Variants in ZSWIM1 observed in about 807,000 individuals in gnomAD.
The protein encoded by ZSWIM1 is zinc finger SWIM domain-containing protein 1.
Under a neutral mutation model 29.3 loss-of-function variants are expected in ZSWIM1, and 22 were observed. The ratio of observed to expected loss-of-function variants is 0.75; its 90% CI spans 0.54 to 1.07. The LOEUF (loss-of-function observed/expected upper bound fraction) is 1.07. Ranked by LOEUF, ZSWIM1 falls within the 50% of genes least tolerant of loss-of-function variation. ZSWIM1 has a pLI of 0.00. For missense variants in ZSWIM1, 511 were observed against 596.2 expected, an observed-to-expected ratio of 0.86 and a Z score of 1.49; for synonymous variants, 228 against 240.8, an observed-to-expected ratio of 0.95 and a Z score of 0.49.
rs367701407 is a variant in ZSWIM1 at position 45,882,893 on chromosome 20, C to T, written c.301C>T (p.Arg101Trp). The change falls in exon 2 of 2, where the codon CGG becomes TGG. Residue 101 changes from arginine (R) to tryptophan (W), a missense_variant. Coordinates refer to ENST00000372523, the MANE Select transcript of ZSWIM1 (RefSeq NM_080603.5). ...VLYTFLVDGP[R>W]VQLEGHLARA... is the part of the protein sequence containing the mutation. ...ATATACCTTCCTGGTGGATGGACCT[C>T]GGGTGCAGCTGGAGGGTCATCTTGC... 5.0e-6 allele frequency: 8 copies of T among 1,614,082 alleles called. No individual in the cohort carries two copies. Among genetic ancestry groups the T allele is most frequent in the Non-Finnish European group, 5.9e-6 (7 of 1,180,040 alleles).
At chr20:45,881,987 A>T (rs904353230) in intron 1 of ZSWIM1, among the ~76,000 whole-genome samples, 1 of 152,162 alleles carries the variant, frequency 6.6e-6, no homozygotes, top group Non-Finnish European at 1.5e-5. Flanking sequence ...AGCTGAGACT[A>T]CAGGCATGGG....
rs1024173669 is a variant in ZSWIM1, at chr20:45,883,124, C to T, written c.532C>T (p.Gln178Ter). 13 of 1,614,108 alleles carry T rather than the reference C, an allele frequency of 8.1e-6. No individual in the cohort carries two copies. The highest frequency in any genetic ancestry group is 1.1e-5 in the Non-Finnish European group (13 of 1,180,048). ...LSAFHICKFLQAKFYQLSLER... is the reference protein window; with the variant it reads ...LSAFHICKFL ...AGCCTTCCACATTTGTAAGTTCCTC[C>T]AGGCCAAGTTCTATCAGCTGTCCCT... The change falls in exon 2 of 2, where the codon CAG becomes TAG. Residue 178 changes from glutamine (Q) to a stop codon, truncating the protein, a stop_gained. Transcript: ENST00000372523. LOFTEE classifies it high-confidence loss of function.
Position 45,883,160 on chromosome 20 carries a change from G to C in ZSWIM1, c.568G>C (p.Val190Leu). 6.2e-7 allele frequency: 1 copy of C among 1,614,026 alleles called. No homozygotes were observed. Among genetic ancestry groups the C allele is most frequent in the South Asian group, 1.1e-5 (1 of 91,084 alleles). The change falls in exon 2 of 2, where the codon GTG (valine) becomes CTG (leucine). Residue 190 changes from valine to leucine, a missense_variant. Coordinates refer to ENST00000372523, the MANE Select transcript of ZSWIM1 (RefSeq NM_080603.5). ...CTATCAGCTGTCCCTTGAACGGCCC[G>C]TGGAAAGGCTGCTCCTGACCTCCCT... ...KFYQLSLERP[V>L]ERLLLTSLQS...
Position 45,884,494 on chromosome 20 carries a change from CTGGGACTACAGGCG to C in ZSWIM1, c.*445_*458del, listed in dbSNP as rs912204219. On this transcript the variant is annotated 3_prime_UTR_variant, in exon 2 of 2. Coordinates refer to ENST00000372523, the MANE Select transcript of ZSWIM1 (RefSeq NM_080603.5). The stretch of plus-strand genomic sequence containing the variant: ...TCTCCTGCCTCAGCCTCCCGAGTAT[CTGGGACTACAGGCG>C]CCCGCCACAATGCCGGGCTAATTTT... 2.6e-5 allele frequency: 4 copies of C among 155,528 alleles called. No individual in the cohort carries two copies. The Admixed American group carries it at 2.7e-4, about 10-fold the overall frequency. The allele number at this position is 155,528 out of a possible 1,614,324, so 9.6% of individuals were successfully genotyped here.
chr20:45,883,323 G>A lies in ZSWIM1; in HGVS notation c.731G>A (p.Arg244His), dbSNP rs757822470. ...LLNDRIWLAH[R>H]WRSRAESSHY... ...AACGACCGCATCTGGCTGGCTCACC[G>A]CTGGAGAAGCCGAGCTGAGAGCAGC... is the stretch of plus-strand genomic sequence containing the variant. Residue 244 changes from arginine (R) to histidine (H), a missense_variant, in exon 2 of 2, where the codon CGC (arginine) becomes CAC (histidine). Physicochemically the swap from Arg to His is conservative, Grantham distance 29. Coordinates refer to ENST00000372523, the MANE Select transcript of ZSWIM1 (RefSeq NM_080603.5). The A allele has an allele frequency of 3.5e-5, 57 of 1,613,942 alleles. No individual in the cohort carries two copies. Among genetic ancestry groups the A allele is most frequent in the Admixed American group, 3.2e-4 (19 of 59,994 alleles).
intron 1 of ZSWIM1, among the ~76,000 whole-genome samples, chr20:45,881,771 A>T (rs1246755547): frequency 6.6e-6 from 1 of 152,242 alleles, no homozygotes; most frequent in Non-Finnish European, 1.5e-5. Context: ...GAGCAATTGC[A>T]GTTCTCTTAT....
At position 45,884,050 on chromosome 20, in the gene ZSWIM1, A is replaced by C. The variant is rs764274418; in HGVS notation, c.1458A>C (p.Ter486CysextTer64). 1.9e-6 allele frequency: 3 copies of C among 1,604,316 alleles called. No homozygotes were observed. Among genetic ancestry groups the C allele is most frequent in the Non-Finnish European group, 2.6e-6 (3 of 1,173,334 alleles). ...GGCCTTATGAGCAGGTCCAACTCTG[A>C]TTATTCTCGATGCCCAGAGATGCTC... is the stretch of plus-strand genomic sequence containing the variant. ...WIGPYEQVQL[*>C] The change falls in exon 2 of 2, where the codon TGA becomes TGC. Residue 486 changes from the stop codon to cysteine (C), a stop_lost. Coordinates refer to ENST00000372523, the MANE Select transcript of ZSWIM1 (RefSeq NM_080603.5).
In ZSWIM1 at chr20:45,882,690, C is replaced by T; in HGVS notation, c.98C>T (p.Thr33Ile). Residue 33 changes from threonine (T) to isoleucine (I), a missense_variant, in exon 2 of 2, where the codon ACA becomes ATA. Thr to Ile is a moderately conservative substitution (Grantham distance 89). Transcript: ENST00000372523. ...WTAPISPMAL[T>I]MLNGLLIKDS... Reference sequence around the variant, plus strand: ...GCTCCCATCTCTCCCATGGCCCTGACAATGCTGAATGGGCTCCTGATTAAG... The same window carrying T: ...GCTCCCATCTCTCCCATGGCCCTGATAATGCTGAATGGGCTCCTGATTAAG... 6.2e-7 allele frequency: 1 copy of T among 1,614,236 alleles called. No homozygotes were observed. Among genetic ancestry groups the T allele is most frequent in the Admixed American group, 1.7e-5 (1 of 60,022 alleles).
rs1467326642 is a variant in ZSWIM1, at chr20:45,884,142, A to ACACACACACACACACT, written c.*93_*94insACACACACACACACTC. 1 of 1,342,398 alleles carries ACACACACACACACACT rather than the reference A, an allele frequency of 7.4e-7. No individual in the cohort carries two copies. The highest frequency in any genetic ancestry group is 1.6e-5 in the African/African-American group (1 of 61,118). 83.2% of individuals were successfully genotyped at this position (1,342,398 alleles called of 1,614,324 possible). On this transcript the variant is annotated 3_prime_UTR_variant, in exon 2 of 2. Transcript: ENST00000372523. ...CACACACACACACACACACACACAC[A>ACACACACACACACACT]CTCCCTTACACTGTTGTACTTCCGT...
At position 45,884,894 on chromosome 20, in the gene ZSWIM1, C is replaced by A. The variant is rs1159721189; in HGVS notation, c.*844C>A. 1 of 165,080 alleles carries A rather than the reference C, an allele frequency of 6.1e-6. No individual in the cohort carries two copies. The highest frequency in any genetic ancestry group is 1.5e-5 in the Non-Finnish European group (1 of 68,162). 10.2% of individuals were successfully genotyped at this position (165,080 alleles called of 1,614,324 possible). The stretch of plus-strand genomic sequence containing the variant: ...GGTGTGGTGGCGGGGGCCCTGTAAT[C>A]CCAGCTACTCGGGAGGCTGAGGCAG... On this transcript the variant is annotated 3_prime_UTR_variant, in exon 2 of 2. Coordinates refer to ENST00000372523, the MANE Select transcript of ZSWIM1 (RefSeq NM_080603.5).
chr20:45,883,160 G>A lies in ZSWIM1; in HGVS notation c.568G>A (p.Val190Met), dbSNP rs778407414. Residue 190 changes from valine (V) to methionine (M), a missense_variant, in exon 2 of 2, where the codon GTG becomes ATG. Transcript: ENST00000372523. ...KFYQLSLERPVERLLLTSLQS... is the reference protein window; with the variant it reads ...KFYQLSLERPMERLLLTSLQS... ...CTATCAGCTGTCCCTTGAACGGCCC[G>A]TGGAAAGGCTGCTCCTGACCTCCCT... is the stretch of plus-strand genomic sequence containing the variant. 50 of 1,613,908 alleles carry A rather than the reference G, an allele frequency of 3.1e-5. No homozygotes were observed. The highest frequency in any genetic ancestry group is 1.6e-4 in the African/African-American group (12 of 74,912).
intron 1 of ZSWIM1, among the ~76,000 whole-genome samples, chr20:45,881,724 G>A (rs182298810): frequency 1.3e-5 from 2 of 152,350 alleles, no homozygotes; most frequent in Admixed American, 1.3e-4. Context: ...GGCTCAGAGA[G>A]GGTCATTGAC....
In ZSWIM1 at chr20:45,884,014, C is replaced by T; in HGVS notation, c.1422C>T (p.Asp474=). The change falls in exon 2 of 2, where the codon GAC becomes GAT. Residue 474 remains aspartate, a synonymous_variant. Coordinates refer to ENST00000372523, the MANE Select transcript of ZSWIM1 (RefSeq NM_080603.5). ...RRYSTLRELA[D]SWIGPYEQVQ... ...ATAGCACCCTGCGGGAACTGGCCGA[C>T]AGCTGGATTGGGCCTTATGAGCAGG... 1 of 1,613,726 alleles carries T rather than the reference C, an allele frequency of 6.2e-7. No homozygotes were observed. Among genetic ancestry groups the T allele is most frequent in the Non-Finnish European group, 8.5e-7 (1 of 1,179,764 alleles).
intron 1 of ZSWIM1, among the ~76,000 whole-genome samples, chr20:45,882,070 C>G (rs886210871): frequency 6.6e-6 from 1 of 152,200 alleles, no homozygotes; most frequent in Non-Finnish European, 1.5e-5. Flanking sequence ...AGGCTGGTCT[C>G]GAACTCCCAA....
In ZSWIM1 at chr20:45,883,379, C is replaced by G. The variant is rs1193018666; in HGVS notation, c.787C>G (p.His263Asp). 1.3e-5 allele frequency: 21 copies of G among 1,614,126 alleles called. No individual in the cohort carries two copies. Among genetic ancestry groups the G allele is most frequent in the Non-Finnish European group, 1.6e-5 (19 of 1,180,046 alleles). The stretch of plus-strand genomic sequence containing the variant: ...CTTCCAGAGCCTCGAGGTCACCACC[C>G]ACATCCTCAGCCAGTTCTTTGGTAC... ...HYFQSLEVTTHILSQFFGTTP... is the reference protein window; with the variant it reads ...HYFQSLEVTTDILSQFFGTTP... The change falls in exon 2 of 2, where the codon CAC becomes GAC. Residue 263 changes from histidine to aspartate, a missense_variant. His to Asp is a moderately conservative substitution (Grantham distance 81). Coordinates refer to ENST00000372523, the MANE Select transcript of ZSWIM1 (RefSeq NM_080603.5).
Position 45,884,153 on chromosome 20 carries a change from C to G in ZSWIM1, c.*103C>G. The stretch of plus-strand genomic sequence containing the variant: ...ACACACACACACACACTCCCTTACA[C>G]TGTTGTACTTCCGTGGGCCCTCCTT... On this transcript the variant is annotated 3_prime_UTR_variant, in exon 2 of 2. Coordinates refer to ENST00000372523, the MANE Select transcript of ZSWIM1 (RefSeq NM_080603.5). 3 of 1,438,660 alleles carry G rather than the reference C, an allele frequency of 2.1e-6. No individual in the cohort carries two copies. The highest frequency in any genetic ancestry group is 2.9e-5 in the African/African-American group (2 of 70,056). The allele number at this position is 1,438,660 out of a possible 1,614,324, so 89.1% of individuals were successfully genotyped here. A position where few individuals can be genotyped will look rare whatever the true frequency, so the allele number is the denominator to read the frequency against.
Position 45,883,174 on chromosome 20 carries a change from C to T in ZSWIM1, c.582C>T (p.Leu194=), listed in dbSNP as rs1332403652. Reference sequence around the variant, plus strand: ...TTGAACGGCCCGTGGAAAGGCTGCTCCTGACCTCCCTGCAGAGCACAATGT... The same window carrying T: ...TTGAACGGCCCGTGGAAAGGCTGCTTCTGACCTCCCTGCAGAGCACAATGT... ...LSLERPVERL[L]LTSLQSTMCS... The change falls in exon 2 of 2, where the codon CTC becomes CTT. Residue 194 remains leucine, a synonymous_variant. Transcript: ENST00000372523. 2.5e-6 allele frequency: 4 copies of T among 1,614,042 alleles called. No homozygotes were observed. The highest frequency in any genetic ancestry group is 1.3e-5 in the African/African-American group (1 of 75,054).
At position 45,883,339 on chromosome 20, in the gene ZSWIM1, T is replaced by C; in HGVS notation, c.747T>C (p.Ala249=). The change falls in exon 2 of 2, where the codon GCT becomes GCC. Residue 249 remains alanine, a synonymous_variant. Coordinates refer to ENST00000372523, the MANE Select transcript of ZSWIM1 (RefSeq NM_080603.5). ...IWLAHRWRSR[A]ESSHYFQSLE... is the part of the protein sequence containing the mutation. ...TGGCTCACCGCTGGAGAAGCCGAGC[T>C]GAGAGCAGCCACTACTTCCAGAGCC... is the stretch of plus-strand genomic sequence containing the variant. 6.2e-7 allele frequency: 1 copy of C among 1,614,226 alleles called. No homozygotes were observed. Among genetic ancestry groups the C allele is most frequent in the South Asian group, 1.1e-5 (1 of 91,086 alleles).
Position 45,882,535 on chromosome 20 carries a change from C to G in ZSWIM1, c.-58C>G. On this transcript the variant is annotated splice_region_variant and 5_prime_UTR_variant, in exon 2 of 2. Coordinates refer to ENST00000372523, the MANE Select transcript of ZSWIM1 (RefSeq NM_080603.5). ...TAAACCTCTGTTACTCTCCATAGGC[C>G]CATCTTTGGAAAAAAGATCTGGGAA... 1.3e-6 allele frequency: 2 copies of G among 1,561,266 alleles called. No homozygotes were observed. Among genetic ancestry groups the G allele is most frequent in the East Asian group, 2.2e-5 (1 of 44,640 alleles).
Sources: allele counts gnomAD v4.1 joint callset (sites outside exome capture counted in the v4.1 genomes callset), GRCh38; gene constraint gnomAD v4.1.1; transcripts MANE v1.5; gene names NCBI Gene and HGNC (gene_info 2026-07-23, HGNC 2026-07-21).